Variants in CCBE1 observed in about 807,000 individuals in gnomAD.
CCBE1 encodes the protein collagen and calcium-binding EGF domain-containing protein 1.
A neutral mutation model predicts 50.0 loss-of-function variants in CCBE1; 37 were observed. The ratio of observed to expected loss-of-function variants is 0.74; its 90% CI spans 0.57 to 0.97. The LOEUF (loss-of-function observed/expected upper bound fraction) is 0.97, where lower values mean the gene tolerates loss of function less well. Ranked by LOEUF, CCBE1 falls within the 50% of genes least tolerant of loss-of-function variation. The pLI is 0.00. For missense variants in CCBE1, 538 were observed against 523.8 expected, an observed-to-expected ratio of 1.03 and a Z score of -0.26; for synonymous variants, 234 against 203.7, an observed-to-expected ratio of 1.15 and a Z score of -1.27.
In CCBE1 at chr18:59,682,134, T is replaced by G. The variant is rs57266377; in HGVS notation, c.212+14495A>C. On this transcript the variant is annotated intron_variant, in intron 2 of 10. Coordinates refer to ENST00000439986, the MANE Select transcript of CCBE1 (RefSeq NM_133459.4). ...ATCCCAGCACTTTGGGAGGCCAAGG[T>G]GGGCAGATCATGAGGTCTAGAAATC... is the stretch of plus-strand genomic sequence containing the variant. Among the ~76,000 whole-genome samples the G allele has an allele frequency of 6.3e-3, 952 of 152,228 alleles. 13 individuals carry two copies. The highest frequency in any genetic ancestry group is 0.022 in the African/African-American group (914 of 41,540).
At chr18:59,557,797 G>T (rs1048014668) in intron 2 of CCBE1, among the ~76,000 whole-genome samples, 1 of 152,082 alleles carries the variant, frequency 6.6e-6, no homozygotes. Context: ...ATAAATCTAT[G>T]CTTTCGCTGC....
chr18:59,466,169 C>A (rs1299838280), intron 5 of CCBE1, among the ~76,000 whole-genome samples: 1 of 151,866 alleles, frequency 6.6e-6, no homozygotes, highest in Admixed American at 6.6e-5. Context: ...AGCTGTGTCC[C>A]CACCCAAATC....
intron 2 of CCBE1, among the ~76,000 whole-genome samples, chr18:59,525,437 C>G (rs201381345): frequency 6.6e-6 from 1 of 152,102 alleles, no homozygotes; most frequent in Non-Finnish European, 1.5e-5. Context: ...CCTGTAGATT[C>G]TGGATATTAG....
At chr18:59,472,420 C>T (rs1400807334) in intron 3 of CCBE1, among the ~76,000 whole-genome samples, 1 of 152,240 alleles carries the variant, frequency 6.6e-6, no homozygotes, top group Non-Finnish European at 1.5e-5. Context: ...ATTCAATCTA[C>T]ATATTCAGTT....
chr18:59,696,530 C>T (rs2144761795), intron 2 of CCBE1, 99 bp downstream of exon 2: 2 of 1,588,092 alleles, frequency 1.3e-6, no homozygotes, highest in Non-Finnish European at 1.7e-6. Context: ...AAAGCTGCTC[C>T]GGTCCCAAGC....
At chr18:59,622,651 T>G (rs1297230774) in intron 2 of CCBE1, among the ~76,000 whole-genome samples, 2 of 144,622 alleles carry the variant, frequency 1.4e-5, no homozygotes, top group Non-Finnish European at 1.5e-5. Flanking sequence ...AAATACAAAA[T>G]GTAGCTGGGC....
At chr18:59,470,229 T>C (rs950410039) in intron 3 of CCBE1, among the ~76,000 whole-genome samples, 6 of 152,164 alleles carry the variant, frequency 3.9e-5, no homozygotes, top group African/African-American at 1.2e-4. Context: ...CAAAGCTGCT[T>C]CTTACATGGT....
chr18:59,604,118 G>A (rs2053465513), intron 2 of CCBE1, among the ~76,000 whole-genome samples: 1 of 152,230 alleles, frequency 6.6e-6, no homozygotes, highest in Non-Finnish European at 1.5e-5. Flanking sequence ...AATGGAGAAA[G>A]TAGGCAGAAG....
In CCBE1 at chr18:59,683,021, C is replaced by T. The variant is rs548075891; in HGVS notation, c.212+13608G>A. 3.3e-5 allele frequency among the ~76,000 whole-genome samples: 5 copies of T among 152,346 alleles called. No homozygotes were observed. The East Asian group carries it at 9.6e-4, about 29-fold the overall frequency. On this transcript the variant is annotated intron_variant, in intron 2 of 10. Transcript: ENST00000439986. ...TCTTCTTTTTTCCAAACCTAACAAT[C>T]TCCATTCCCTTGGGTAGGTCAGCTG... is the stretch of plus-strand genomic sequence containing the variant.
At position 59,554,822 on chromosome 18, in the gene CCBE1, AAAG is replaced by A. The variant is rs148809173; in HGVS notation, c.213-74587_213-74585del. Reference sequence around the variant, plus strand: ...CAGACAGGACAACCCCGTGGAGACAAAAGAAGGGGTAGGTTCCAGAGTGCAGGT... The same window carrying A: ...CAGACAGGACAACCCCGTGGAGACAAAAGGGGTAGGTTCCAGAGTGCAGGT... On this transcript the variant is annotated intron_variant, in intron 2 of 10. Coordinates refer to ENST00000439986, the MANE Select transcript of CCBE1 (RefSeq NM_133459.4). 2.0e-3 allele frequency among the ~76,000 whole-genome samples: 301 copies of A among 152,334 alleles called. 1 individual carries two copies. The highest frequency in any genetic ancestry group is 6.8e-3 in the African/African-American group (282 of 41,570).
intron 5 of CCBE1, among the ~76,000 whole-genome samples, chr18:59,456,979 G>A (rs1424337922): frequency 3.9e-5 from 6 of 152,226 alleles, no homozygotes; most frequent in Non-Finnish European, 2.9e-5. Context: ...CAAGCCAGCA[G>A]GTTGACACAA....
chr18:59,657,889 A>AAACAAC (rs142001390), intron 2 of CCBE1, among the ~76,000 whole-genome samples: 27 of 146,332 alleles, frequency 1.8e-4, no homozygotes, highest in African/African-American at 6.9e-4. Context: ...AAACAACAAC[A>AAACAAC]AACAACAACA....
chr18:59,579,431 C>G (rs1339666141), intron 2 of CCBE1, among the ~76,000 whole-genome samples: 1 of 151,950 alleles, frequency 6.6e-6, no homozygotes, highest in Non-Finnish European at 1.5e-5. Flanking sequence ...TACGTCCCAG[C>G]CCCAGACACT....
At position 59,564,392 on chromosome 18, in the gene CCBE1, CTG is replaced by C. The variant is rs973091883; in HGVS notation, c.213-84156_213-84155del. 2.6e-5 allele frequency among the ~76,000 whole-genome samples: 4 copies of C among 152,194 alleles called. 1 individual carries two copies. Among genetic ancestry groups the C allele is most frequent in the Middle Eastern group, 6.8e-3 (2 of 294 alleles). On this transcript the variant is annotated intron_variant, in intron 2 of 10. Transcript: ENST00000439986. ...ATATATACACACACACATATAAACA[CTG>C]TGTTTTTACTTTGTATATTGAATAT...
At chr18:59,568,015 A>G (rs766053685) in intron 2 of CCBE1, among the ~76,000 whole-genome samples, 2 of 151,858 alleles carry the variant, frequency 1.3e-5, no homozygotes, top group Admixed American at 1.3e-4. Context: ...TTCTTTTTCT[A>G]TTTTTTTAAG....
At chr18:59,477,907 T>C (rs1455940856) in intron 3 of CCBE1, among the ~76,000 whole-genome samples, 1 of 152,234 alleles carries the variant, frequency 6.6e-6, no homozygotes, top group East Asian at 1.9e-4. Context: ...TTGTGACACC[T>C]TGGCTAGGCC....
intron 5 of CCBE1, among the ~76,000 whole-genome samples, chr18:59,457,706 T>A (rs1401282503): frequency 6.6e-6 from 1 of 152,208 alleles, no homozygotes; most frequent in Admixed American, 6.5e-5. Flanking sequence ...CTAGCAAGTA[T>A]CTGAGGTGGG....
At chr18:59,538,592 C>T (rs1915343006) in intron 2 of CCBE1, among the ~76,000 whole-genome samples, 1 of 152,090 alleles carries the variant, frequency 6.6e-6, no homozygotes, top group Non-Finnish European at 1.5e-5. Context: ...AAGGGTGCTA[C>T]ACATGACATC....
At chr18:59,548,788 T>C (rs1028655190) in intron 2 of CCBE1, among the ~76,000 whole-genome samples, 5 of 151,758 alleles carry the variant, frequency 3.3e-5, no homozygotes, top group African/African-American at 1.2e-4. Flanking sequence ...TGGCCTATGC[T>C]CTCAGGCTAC....
Sources: allele counts gnomAD v4.1 joint callset (sites outside exome capture counted in the v4.1 genomes callset), GRCh38; gene constraint gnomAD v4.1.1; transcripts MANE v1.5; gene names NCBI Gene and HGNC (gene_info 2026-07-23, HGNC 2026-07-21).